The following NBAS variants were observed in gnomAD, a reference collection of about 807,000 sequenced individuals.
NBAS encodes NBAS subunit of NRZ tethering complex.
Under a neutral mutation model 302.5 loss-of-function variants are expected in NBAS, and 219 were observed. That is an observed-to-expected ratio of 0.72 (90% CI 0.65 to 0.81). The LOEUF is 0.81. Among genes scored for constraint, NBAS ranks in the 30% least tolerant of loss-of-function variants. The pLI is 0.00. For synonymous variants in NBAS, 1,118 were observed against 1,021.6 expected (o/e 1.09, Z -1.80); for missense variants, 2,932 against 2,841.6 (o/e 1.03, Z -0.72).
chr2:15,330,759 C>G lies in NBAS; in HGVS notation c.4186G>C (p.Val1396Leu), dbSNP rs1157269771. The change falls in exon 36 of 52, where the codon GTA becomes CTA. Residue 1396 changes from valine to leucine, a missense_variant. Val to Leu is a conservative substitution (Grantham distance 32). Transcript: ENST00000281513. ...GCTGAATTGCTACCTGGAACACCTACTTCATCCTGTATTAAAGAAACAAAA... is the reference window on the plus strand; with the variant it reads ...GCTGAATTGCTACCTGGAACACCTAGTTCATCCTGTATTAAAGAAACAAAA... Reference protein sequence around the residue: ...LTSKAVQEDEVGVPGSNSADL... With the variant: ...LTSKAVQEDELGVPGSNSADL... The G allele has an allele frequency of 6.2e-7, 1 of 1,613,822 alleles. No homozygotes were observed. The highest frequency in any genetic ancestry group is 8.5e-7 in the Non-Finnish European group (1 of 1,179,852).
intron 30 of NBAS, among the ~76,000 whole-genome samples, chr2:15,378,544 C>A (rs1674869627): frequency 6.6e-6 from 1 of 152,142 alleles, no homozygotes; most frequent in African/African-American, 2.4e-5. Flanking sequence ...ATACACCTAA[C>A]CTAACAAACA....
the NBAS span, among the ~76,000 whole-genome samples, chr2:15,126,748 G>A: frequency 6.6e-6 from 1 of 152,126 alleles, no homozygotes. Context: ...GGCCATGGCA[G>A]GGCACCAGCA....
the NBAS span, among the ~76,000 whole-genome samples, chr2:14,878,434 A>T: frequency 6.6e-6 from 1 of 152,038 alleles, no homozygotes; most frequent in Non-Finnish European, 1.5e-5. Context: ...CTTGCATGTG[A>T]GCTGCTTACC....
At chr2:15,327,138 C>T (rs1672107815) in intron 38 of NBAS, among the ~76,000 whole-genome samples, 1 of 152,088 alleles carries the variant, frequency 6.6e-6, no homozygotes, top group Non-Finnish European at 1.5e-5. Flanking sequence ...TTTTCTTCCT[C>T]GCTGACATCT....
At chr2:14,977,075 T>C in the NBAS span, among the ~76,000 whole-genome samples, 1 of 152,298 alleles carries the variant, frequency 6.6e-6, no homozygotes, top group South Asian at 2.1e-4. Flanking sequence ...GTAAATATGC[T>C]ACCCGCCAAA....
chr2:15,477,219 C>T (rs991060599), intron 13 of NBAS, among the ~76,000 whole-genome samples: 6 of 152,100 alleles, frequency 3.9e-5, no homozygotes, highest in South Asian at 2.1e-4. Context: ...GAACCTGATG[C>T]ATAATATTAA....
chr2:15,384,231 G>C (rs1306565038), intron 28 of NBAS, among the ~76,000 whole-genome samples: 1 of 152,176 alleles, frequency 6.6e-6, no homozygotes, highest in African/African-American at 2.4e-5. Context: ...TTCTCCCATA[G>C]CAGGGGAAAG....
chr2:15,295,620 C>A (rs138119290), intron 40 of NBAS, among the ~76,000 whole-genome samples: 2 of 152,200 alleles, frequency 1.3e-5, no homozygotes, highest in Non-Finnish European at 2.9e-5. Context: ...AAGCCATATA[C>A]AAATCATAGT....
chr2:14,983,701 G>A, the NBAS span, among the ~76,000 whole-genome samples: 3 of 152,168 alleles, frequency 2.0e-5, no homozygotes, highest in East Asian at 5.8e-4. Context: ...ACATAGAGAA[G>A]GTGTTTGCTG....
At chr2:15,308,672 C>T (rs1671138778) in intron 39 of NBAS, among the ~76,000 whole-genome samples, 1 of 152,128 alleles carries the variant, frequency 6.6e-6, no homozygotes, top group East Asian at 1.9e-4. Flanking sequence ...GCCTAATTGC[C>T]CTGGCCAGAA....
In NBAS at chr2:15,190,308, C is replaced by T. The variant is rs767660535; in HGVS notation, c.6528G>A (p.Leu2176=). The change falls in exon 49 of 52, where the codon TTG becomes TTA. Residue 2176 remains leucine (L), a synonymous_variant. Transcript: ENST00000281513. The part of the protein sequence containing the change: ...SSHHEAEFQH[L]VLLLQAWPPM... Reference sequence around the variant, plus strand: ...GTGGCCAAGCTTGCAAAAGTAAAACCAAGTGCTGAAATTCAGCCTCGTGGT... The same window carrying T: ...GTGGCCAAGCTTGCAAAAGTAAAACTAAGTGCTGAAATTCAGCCTCGTGGT... 7 of 1,613,790 alleles carry T rather than the reference C, an allele frequency of 4.3e-6. No individual in the cohort carries two copies. The highest frequency in any genetic ancestry group is 5.9e-6 in the Non-Finnish European group (7 of 1,179,918).
At chr2:14,895,324 C>A in the NBAS span, among the ~76,000 whole-genome samples, 5 of 152,036 alleles carry the variant, frequency 3.3e-5, 1 homozygote, top group South Asian at 1.0e-3. Flanking sequence ...TATAAAAATC[C>A]TAGAAGAAAA....
At chr2:15,411,562 C>T (rs985427794) in intron 25 of NBAS, among the ~76,000 whole-genome samples, 1 of 152,008 alleles carries the variant, frequency 6.6e-6, no homozygotes, top group Non-Finnish European at 1.5e-5. Context: ...AAATATTCTA[C>T]AGTAAGCATT....
At chr2:15,416,933 C>T (rs1676968086) in intron 24 of NBAS, among the ~76,000 whole-genome samples, 1 of 152,016 alleles carries the variant, frequency 6.6e-6, no homozygotes, top group African/African-American at 2.4e-5. Context: ...GCCCCTTCTT[C>T]TGGACCATTC....
At chr2:15,170,285 A>G (rs578100207) in intron 51 of NBAS, among the ~76,000 whole-genome samples, 1 of 152,220 alleles carries the variant, frequency 6.6e-6, no homozygotes, top group South Asian at 2.1e-4. Context: ...TTCTGGCTGG[A>G]TATACCCAGC....
chr2:14,791,554 A>T, the NBAS span, among the ~76,000 whole-genome samples: 1 of 152,142 alleles, frequency 6.6e-6, no homozygotes, highest in South Asian at 2.1e-4. Context: ...CTGTAATCCC[A>T]GCACTCTGGG....
chr2:15,065,787 G>T, the NBAS span, among the ~76,000 whole-genome samples: 1 of 152,052 alleles, frequency 6.6e-6, no homozygotes, highest in Non-Finnish European at 1.5e-5. Flanking sequence ...TGGATTGGAA[G>T]ACTTGTTACT....
intron 21 of NBAS, among the ~76,000 whole-genome samples, chr2:15,438,721 G>A (rs1678164444): frequency 6.6e-6 from 1 of 152,220 alleles, no homozygotes; most frequent in Admixed American, 6.5e-5. Flanking sequence ...GAGAGCCAGA[G>A]TAGCTAGAAT....
intron 21 of NBAS, among the ~76,000 whole-genome samples, chr2:15,443,977 C>T (rs376830210): frequency 0.016 from 2,376 of 150,958 alleles, 52 homozygotes; most frequent in East Asian, 0.051. Context: ...AGGAGAACTA[C>T]AAACCACTGC....
Sources: allele counts gnomAD v4.1 joint callset (sites outside exome capture counted in the v4.1 genomes callset), GRCh38; gene constraint gnomAD v4.1.1; transcripts MANE v1.5; gene names NCBI Gene and HGNC (gene_info 2026-07-23, HGNC 2026-07-21).